Variants in FOXP1 observed in about 807,000 individuals in gnomAD.
FOXP1 encodes the protein forkhead box protein P1.
FOXP1 carries 15 observed loss-of-function variants against 98.2 expected under a neutral mutation model. The observed-to-expected ratio is 0.15, with a 90% CI of 0.10 to 0.24. The LOEUF is 0.24. Among genes scored for constraint, FOXP1 ranks in the 10% least tolerant of loss-of-function variants. FOXP1 has a pLI of 1.00. For synonymous variants in FOXP1, 371 were observed against 314.5 expected (o/e 1.18, Z -1.90); for missense variants, 633 against 848.5 (o/e 0.75, Z 3.15).
chr3:71,470,489 C>G (rs552309645), intron 3 of FOXP1, among the ~76,000 whole-genome samples: 1 of 152,282 alleles, frequency 6.6e-6, no homozygotes, highest in African/African-American at 2.4e-5. Context: ...CCTTTAATCC[C>G]AGCACTTTGG....
intron 3 of FOXP1, among the ~76,000 whole-genome samples, chr3:71,444,961 G>A (rs562079735): frequency 2.0e-4 from 30 of 152,298 alleles, no homozygotes; most frequent in South Asian, 1.2e-3. Flanking sequence ...GAAAACGAAT[G>A]TGAAGGATAT....
intron 6 of FOXP1, among the ~76,000 whole-genome samples, chr3:71,115,361 G>C (rs1280127572): frequency 8.8e-6 from 1 of 113,550 alleles, no homozygotes; most frequent in African/African-American, 2.7e-5. Context: ...TTTGGAGACG[G>C]AGTCTCGCTC....
rs962091273 is a variant in FOXP1, at chr3:70,957,810, T to C, written c.*1437A>G. On this transcript the variant is annotated 3_prime_UTR_variant, in exon 21 of 21. Coordinates refer to ENST00000649528, the MANE Select transcript of FOXP1 (RefSeq NM_001349338.3). ...AAACTGCAGTACCAAATTTGCATAT[T>C]TGAAATTAACACTTTAGCATTTGCT... 1.4e-4 allele frequency: 33 copies of C among 233,758 alleles called. No homozygotes were observed. The highest frequency in any genetic ancestry group is 6.2e-4 in the African/African-American group (28 of 45,358). The allele number at this position is 233,758 out of a possible 1,614,324, so 14.5% of individuals were successfully genotyped here.
chr3:71,140,136 A>T (rs2059998320), intron 6 of FOXP1, among the ~76,000 whole-genome samples: 1 of 152,212 alleles, frequency 6.6e-6, no homozygotes, highest in Non-Finnish European at 1.5e-5. Flanking sequence ...ATCCAAAATG[A>T]TTGGGATCAA....
chr3:71,403,885 C>T (rs573571589), intron 3 of FOXP1, among the ~76,000 whole-genome samples: 26 of 151,704 alleles, frequency 1.7e-4, no homozygotes, highest in African/African-American at 5.3e-4. Flanking sequence ...GTAAAGGATC[C>T]GAGAAATGAT....
At chr3:71,429,553 GAA>G (rs1247305768) in intron 3 of FOXP1, among the ~76,000 whole-genome samples, 1 of 152,016 alleles carries the variant, frequency 6.6e-6, no homozygotes, top group East Asian at 1.9e-4. Flanking sequence ...AGAAAATATT[GAA>G]ATAGAAATAG....
intron 3 of FOXP1, among the ~76,000 whole-genome samples, chr3:71,391,914 G>A (rs1012753837): frequency 2.6e-5 from 4 of 152,226 alleles, no homozygotes; most frequent in Admixed American, 6.5e-5. Flanking sequence ...CTTAGCCTTC[G>A]TTCAGGGGTA....
intron 16 of FOXP1, among the ~76,000 whole-genome samples, chr3:70,977,257 G>A (rs368892560): frequency 7.2e-5 from 11 of 152,096 alleles, no homozygotes; most frequent in Middle Eastern, 3.4e-3. Flanking sequence ...TTCTGTTTCC[G>A]TACAGAAATA....
chr3:71,304,355 T>C (rs1257945223), intron 4 of FOXP1, among the ~76,000 whole-genome samples: 3 of 152,350 alleles, frequency 2.0e-5, no homozygotes, highest in South Asian at 2.1e-4. Context: ...TGTTGAAACC[T>C]AAAAACAATA....
intron 3 of FOXP1, among the ~76,000 whole-genome samples, chr3:71,433,633 A>C (rs1034172805): frequency 1.3e-5 from 2 of 152,202 alleles, no homozygotes; most frequent in Non-Finnish European, 1.5e-5. Flanking sequence ...AATATAAAAC[A>C]GGTTCACGGG....
chr3:71,155,821 T>C (rs190832127), intron 6 of FOXP1, among the ~76,000 whole-genome samples: 2 of 152,182 alleles, frequency 1.3e-5, no homozygotes, highest in Non-Finnish European at 2.9e-5. Flanking sequence ...CATGCATACA[T>C]TCCTTCTTGA....
At position 71,275,738 on chromosome 3, in the gene FOXP1, T is replaced by C. The variant is rs1576711058; in HGVS notation, c.-12+24082A>G. Among the ~76,000 whole-genome samples, 4 of 152,340 alleles carry C rather than the reference T, an allele frequency of 2.6e-5. No individual in the cohort carries two copies. In the South Asian group the frequency reaches 8.3e-4, roughly 32 times the overall value. On this transcript the variant is annotated intron_variant, in intron 5 of 20. Transcript: ENST00000649528. ...GTGGTGTATGTGAGGCTTCTGGGCA[T>C]GCGCCGTATTATTAGAGTTACACAA...
chr3:71,242,738 A>C (rs917540779), intron 5 of FOXP1, among the ~76,000 whole-genome samples: 4 of 146,328 alleles, frequency 2.7e-5, no homozygotes, highest in Non-Finnish European at 4.5e-5. Context: ...CAGCATGGCA[A>C]GCCAAAATAT....
intron 2 of FOXP1, among the ~76,000 whole-genome samples, chr3:71,496,779 C>A (rs1444096512): frequency 6.6e-6 from 1 of 152,004 alleles, no homozygotes; most frequent in Non-Finnish European, 1.5e-5. Context: ...TGCACTCCAG[C>A]CTGGCGACAG....
At position 71,369,799 on chromosome 3, in the gene FOXP1, T is replaced by C. The variant is rs4677036; in HGVS notation, c.-167-10555A>G. ...AGTTAATCAACTCAGAGGGAAAGCA[T>C]CCAAGAAACAGCTACTTTCTCAGTA... On this transcript the variant is annotated intron_variant, in intron 3 of 20. Transcript: ENST00000649528. 5.4e-4 allele frequency among the ~76,000 whole-genome samples: 82 copies of C among 152,272 alleles called. No homozygotes were observed. The East Asian group carries it at 0.011, about 21-fold the overall frequency.
intron 4 of FOXP1, among the ~76,000 whole-genome samples, chr3:71,311,286 C>T (rs2074665054): frequency 6.6e-6 from 1 of 152,120 alleles, no homozygotes. Context: ...GACAAGGTCT[C>T]ACTATGTTGC....
At chr3:71,341,346 T>C (rs2076994770) in intron 4 of FOXP1, among the ~76,000 whole-genome samples, 1 of 152,184 alleles carries the variant, frequency 6.6e-6, no homozygotes, top group African/African-American at 2.4e-5. Flanking sequence ...TATACACTCC[T>C]ATATAACCAA....
intron 2 of FOXP1, among the ~76,000 whole-genome samples, chr3:71,533,546 T>C (rs1364368540): frequency 1.3e-5 from 2 of 152,200 alleles, no homozygotes; most frequent in Admixed American, 6.5e-5. Context: ...GTAGTTATGT[T>C]TTGGGGAATC....
At chr3:71,462,028 A>C (rs899760026) in intron 3 of FOXP1, among the ~76,000 whole-genome samples, 79 of 152,262 alleles carry the variant, frequency 5.2e-4, no homozygotes, top group African/African-American at 1.8e-3. Flanking sequence ...GTCCCATAAA[A>C]CTGGAACTAT....
Sources: allele counts gnomAD v4.1 joint callset (sites outside exome capture counted in the v4.1 genomes callset), GRCh38; gene constraint gnomAD v4.1.1; transcripts MANE v1.5; gene names NCBI Gene and HGNC (gene_info 2026-07-23, HGNC 2026-07-21).